Variants in FILIP1 observed in about 807,000 individuals in gnomAD.
FILIP1 encodes filamin-A-interacting protein 1.
Under a neutral mutation model 102.1 loss-of-function variants are expected in FILIP1, and 61 were observed. That is an observed-to-expected ratio of 0.60 (90% CI 0.49 to 0.74). FILIP1 has a LOEUF of 0.74. Among genes scored for constraint, FILIP1 ranks in the 30% least tolerant of loss-of-function variants. The pLI, the probability that FILIP1 is intolerant of heterozygous loss-of-function variation, is 0.00. For synonymous variants in FILIP1, 491 were observed against 526.9 expected, an observed-to-expected ratio of 0.93 and a Z score of 0.93; for missense variants, 1,314 against 1,441.2, an observed-to-expected ratio of 0.91 and a Z score of 1.43.
intron 1 of FILIP1, among the ~76,000 whole-genome samples, chr6:75,484,703 C>G (rs1198759634): frequency 6.6e-6 from 1 of 152,128 alleles, no homozygotes; most frequent in Non-Finnish European, 1.5e-5. Flanking sequence ...CAAGTGAGGT[C>G]AGAGTCTAGA....
At chr6:75,413,004 TCTGA>T (rs1777129156) in intron 2 of FILIP1, among the ~76,000 whole-genome samples, 1 of 152,168 alleles carries the variant, frequency 6.6e-6, no homozygotes, top group Non-Finnish European at 1.5e-5. Context: ...TTTGGAGCCA[TCTGA>T]CTAATTTCTT....
chr6:75,455,792 C>T (rs1484547819), intron 1 of FILIP1, among the ~76,000 whole-genome samples: 1 of 152,176 alleles, frequency 6.6e-6, no homozygotes, highest in African/African-American at 2.4e-5. Context: ...AATCAAATCA[C>T]CAGTGAATTA....
chr6:75,372,671 A>C (rs571549104), intron 2 of FILIP1, among the ~76,000 whole-genome samples: 1 of 65,416 alleles, frequency 1.5e-5, no homozygotes, highest in Admixed American at 1.5e-4. Context: ...GAAAGAAAGA[A>C]AGAAAGAAAG....
chr6:75,345,932 T>TGTG (rs1396663913), intron 4 of FILIP1, among the ~76,000 whole-genome samples: 1 of 152,102 alleles, frequency 6.6e-6, no homozygotes, highest in African/African-American at 2.4e-5. Flanking sequence ...GTTCTATTGC[T>TGTG]GTGGTGGTGG....
chr6:75,492,077 T>C (rs1160839778), intron 1 of FILIP1, among the ~76,000 whole-genome samples: 2 of 152,220 alleles, frequency 1.3e-5, no homozygotes, highest in Non-Finnish European at 2.9e-5. Flanking sequence ...TTTCAGTCTC[T>C]AATAGTAAAC....
intron 2 of FILIP1, among the ~76,000 whole-genome samples, chr6:75,383,074 T>C (rs1292158316): frequency 6.6e-6 from 1 of 152,166 alleles, no homozygotes; most frequent in Non-Finnish European, 1.5e-5. Flanking sequence ...TTCAAGATTA[T>C]GTAAATGCAC....
intron 1 of FILIP1, among the ~76,000 whole-genome samples, chr6:75,423,461 G>C (rs10455310): frequency 0.37 from 56,837 of 151,898 alleles, 11,402 homozygotes; most frequent in Non-Finnish European, 0.47. Flanking sequence ...ACTTCCCAAA[G>C]CCAAACTTGC....
In FILIP1 at chr6:75,308,762, G is replaced by A. The variant is rs1439954724; in HGVS notation, c.3571C>T (p.Gln1191Ter). 6.2e-7 allele frequency: 1 copy of A among 1,614,022 alleles called. No individual in the cohort carries two copies. The highest frequency in any genetic ancestry group is 8.5e-7 in the Non-Finnish European group (1 of 1,180,006). ...LTKFEPRAET[Q>*]SMKIELKKSA... ...TTCTTCAGCTCTATTTTCATAGACT[G>A]AGTCTCAGCTCGAGGCTCGAATTTG... Residue 1191 changes from glutamine (Q) to a stop codon, truncating the protein, a stop_gained, in exon 6 of 6, where the codon CAG (glutamine) becomes TAG (stop). Coordinates refer to ENST00000237172, the MANE Select transcript of FILIP1 (RefSeq NM_015687.5). LOFTEE classifies it high-confidence loss of function.
chr6:75,327,087 C>G (rs1008474592), intron 4 of FILIP1, among the ~76,000 whole-genome samples: 1 of 152,180 alleles, frequency 6.6e-6, no homozygotes, highest in Non-Finnish European at 1.5e-5. Flanking sequence ...CATTCTTTAT[C>G]TCTTCTGAGC....
chr6:75,341,679 T>A (rs1774425003), intron 4 of FILIP1, among the ~76,000 whole-genome samples: 1 of 152,232 alleles, frequency 6.6e-6, no homozygotes. Flanking sequence ...TGATTTTTGC[T>A]TATTGATTTC....
At chr6:75,351,524 A>G (rs1418809583) in intron 4 of FILIP1, among the ~76,000 whole-genome samples, 1 of 152,206 alleles carries the variant, frequency 6.6e-6, no homozygotes, top group Non-Finnish European at 1.5e-5. Context: ...CCCCCATTGT[A>G]TCCCATAAGA....
In FILIP1 at chr6:75,312,662, G is replaced by C. The variant is rs1349630739; in HGVS notation, c.3170C>G (p.Ala1057Gly). Reference protein sequence around the residue: ...PTPVRKYNSNANIITTEDNKI... With the variant: ...PTPVRKYNSNGNIITTEDNKI... ...ATTGTCCTCTGTGGTTATGATATTG[G>C]CATTGGAGTTGTATTTCCGTACTGG... Residue 1057 changes from alanine to glycine, a missense_variant, in exon 5 of 6, where the codon GCC becomes GGC. Ala to Gly is a moderately conservative substitution (Grantham distance 60, BLOSUM62 0). Around this residue, in one of 3 missense-constraint regions of FILIP1, gnomAD observed 816 missense variants for 913.1 expected, o/e 0.89. Coordinates refer to ENST00000237172, the MANE Select transcript of FILIP1 (RefSeq NM_015687.5). 4 of 1,614,032 alleles carry C rather than the reference G, an allele frequency of 2.5e-6. No homozygotes were observed. The highest frequency in any genetic ancestry group is 3.4e-6 in the Non-Finnish European group (4 of 1,180,044).
intron 2 of FILIP1, among the ~76,000 whole-genome samples, chr6:75,381,826 T>G (rs1213623783): frequency 6.6e-6 from 1 of 152,238 alleles, no homozygotes; most frequent in African/African-American, 2.4e-5. Context: ...TTTAATTTAC[T>G]GCTTCTTAAT....
rs1772767428 is a variant in FILIP1, at chr6:75,299,159, T to C, written c.3494-3209A>G. ...AATAATGTTATAAATCTTATTGAAGTTACAGATTCAGTGAGCAAATTTTAT... is the reference window on the plus strand; with the variant it reads ...AATAATGTTATAAATCTTATTGAAGCTACAGATTCAGTGAGCAAATTTTAT... On this transcript the variant is annotated intron_variant, in intron 6 of 6. Coordinates refer to the FILIP1 transcript ENST00000393004. 2.6e-5 allele frequency among the ~76,000 whole-genome samples: 4 copies of C among 152,160 alleles called. No homozygotes were observed. The South Asian group carries it at 8.3e-4, about 31-fold the overall frequency.
At chr6:75,444,018 T>C (rs2149725762) in intron 1 of FILIP1, among the ~76,000 whole-genome samples, 1 of 152,284 alleles carries the variant, frequency 6.6e-6, no homozygotes, top group Non-Finnish European at 1.5e-5. Context: ...ACTATGCATG[T>C]AGAAAGTACT....
chr6:75,422,651 T>A (rs188349168), intron 1 of FILIP1, among the ~76,000 whole-genome samples: 81 of 152,296 alleles, frequency 5.3e-4, no homozygotes, highest in Middle Eastern at 3.4e-3. Flanking sequence ...ATATTACCTT[T>A]GTTTGCAATA....
In FILIP1 at chr6:75,316,729, C is replaced by T. The variant is rs555553338; in HGVS notation, c.630-1527G>A. Among the ~76,000 whole-genome samples, 32 of 152,106 alleles carry T rather than the reference C, an allele frequency of 2.1e-4. No individual in the cohort carries two copies. In the South Asian group the frequency reaches 6.0e-3, roughly 29 times the overall value. On this transcript the variant is annotated intron_variant, in intron 4 of 5. Transcript: ENST00000237172. ...CTCCAAAAATCATTATGACTTTATT[C>T]CTAAAATAGGAGGAAAATATGATCT...
intron 1 of FILIP1, among the ~76,000 whole-genome samples, chr6:75,418,218 A>G (rs147313623): frequency 1.4e-4 from 21 of 152,290 alleles, no homozygotes; most frequent in African/African-American, 5.1e-4. Context: ...AAAAGCTACA[A>G]ATGCTAAGAT....
Position 75,313,705 on chromosome 6 carries a change from T to C in FILIP1, c.2127A>G (p.Arg709=), listed in dbSNP as rs752749763. ...GACTTTTAGCTTCTTCCAACCGAAA[T>C]CTGTGTCTCAGTTCAGCTTCCTGGC... ...VVSQEAELRH[R]FRLEEAKSRD... The change falls in exon 5 of 6, where the codon AGA becomes AGG. Residue 709 remains arginine, a synonymous_variant. Coordinates refer to ENST00000237172, the MANE Select transcript of FILIP1 (RefSeq NM_015687.5). The surrounding 1 kb of genome is among the most constrained non-coding windows in gnomAD (Gnocchi z 4.2). The C allele has an allele frequency of 2.6e-6, 4 of 1,563,130 alleles. No homozygotes were observed. In the Admixed American group the frequency reaches 7.9e-5, roughly 31 times the overall value.
Sources: allele counts gnomAD v4.1 joint callset (sites outside exome capture counted in the v4.1 genomes callset), GRCh38; gene constraint gnomAD v4.1.1; regional missense constraint gnomAD v4.1.1; non-coding constraint Gnocchi (gnomAD v3.1); transcripts MANE v1.5; gene names NCBI Gene and HGNC (gene_info 2026-07-23, HGNC 2026-07-21).